The following SEMA6D variants were observed in gnomAD, a reference collection of about 807,000 sequenced individuals.
The protein encoded by SEMA6D is semaphorin 6D, also known as semaphorin-6D.
SEMA6D carries 35 observed loss-of-function variants against 106.6 expected under a neutral mutation model. The observed-to-expected ratio is 0.33, with a 90% CI of 0.25 to 0.44. The LOEUF (loss-of-function observed/expected upper bound fraction) is 0.44. Ranked by LOEUF, SEMA6D falls within the 20% of genes least tolerant of loss-of-function variation. The pLI, the probability that SEMA6D is intolerant of heterozygous loss-of-function variation, is 1.00. For missense variants in SEMA6D, 1,185 were observed against 1,345.9 expected, an observed-to-expected ratio of 0.88 and a Z score of 1.87; for synonymous variants, 499 against 487.7, an observed-to-expected ratio of 1.02 and a Z score of -0.31.
chr15:47,669,813 G>A (rs142327170), intron 4 of SEMA6D, among the ~76,000 whole-genome samples: 2 of 152,178 alleles, frequency 1.3e-5, no homozygotes, highest in African/African-American at 2.4e-5. Flanking sequence ...ACAACAAACC[G>A]CCTTGAAGTC....
At chr15:47,241,692 A>G (rs1484956880) in intron 1 of SEMA6D, among the ~76,000 whole-genome samples, 1 of 151,614 alleles carries the variant, frequency 6.6e-6, no homozygotes, top group Non-Finnish European at 1.5e-5. Flanking sequence ...GAAGAAGAAA[A>G]CGATGGAAAA....
chr15:47,234,224 G>A (rs1480144339), intron 1 of SEMA6D, among the ~76,000 whole-genome samples: 2 of 151,972 alleles, frequency 1.3e-5, no homozygotes, highest in Admixed American at 1.3e-4. Context: ...AAGACCCAAA[G>A]CAATCACCTC....
At chr15:47,312,733 A>T (rs1163003846) in intron 1 of SEMA6D, among the ~76,000 whole-genome samples, 2 of 152,248 alleles carry the variant, frequency 1.3e-5, no homozygotes, top group East Asian at 3.8e-4. Context: ...CAATATTTTT[A>T]TATAACCCAG....
At chr15:47,296,354 C>T (rs1295992935) in intron 1 of SEMA6D, among the ~76,000 whole-genome samples, 1 of 152,158 alleles carries the variant, frequency 6.6e-6, no homozygotes. Context: ...CACCATCTTG[C>T]CCCCTTTGCA....
chr15:47,321,396 T>C (rs6493271), intron 1 of SEMA6D, among the ~76,000 whole-genome samples: 30,369 of 152,132 alleles, frequency 0.2, 3,660 homozygotes, highest in African/African-American at 0.33. Flanking sequence ...TTGGCCATCC[T>C]TTATCAATAT....
chr15:47,636,849 C>G (rs559412218), intron 4 of SEMA6D, among the ~76,000 whole-genome samples: 1 of 152,304 alleles, frequency 6.6e-6, no homozygotes, highest in African/African-American at 2.4e-5. Flanking sequence ...ATCAGTGTTT[C>G]TTTCTGTTCT....
intron 1 of SEMA6D, among the ~76,000 whole-genome samples, chr15:47,731,680 G>A (rs1040398826): frequency 1.3e-5 from 2 of 152,144 alleles, no homozygotes; most frequent in African/African-American, 2.4e-5. Flanking sequence ...ACTTTACCCA[G>A]TTCTTGCCAT....
chr15:47,196,637 C>G (rs1894379517), intron 1 of SEMA6D, among the ~76,000 whole-genome samples: 1 of 152,148 alleles, frequency 6.6e-6, no homozygotes, highest in African/African-American at 2.4e-5. Flanking sequence ...TGTTAATTGA[C>G]TGAGTATTTT....
intron 3 of SEMA6D, among the ~76,000 whole-genome samples, chr15:47,569,017 G>A (rs1390344035): frequency 6.6e-5 from 10 of 152,068 alleles, no homozygotes; most frequent in Admixed American, 2.0e-4. Flanking sequence ...GTGAAGCTTC[G>A]TGGGTGCTGT....
chr15:47,721,167 A>G lies in SEMA6D; in HGVS notation c.-55+3475A>G, dbSNP rs1394682314. ...ATAGAGCAAAAATAGAAGGAAATAA[A>G]GGATGGGAAAACAGACCTTTTGACA... On this transcript the variant is annotated intron_variant, in intron 1 of 18. Transcript: ENST00000536845. Among the ~76,000 whole-genome samples, 3 of 152,394 alleles carry G rather than the reference A, an allele frequency of 2.0e-5. No individual in the cohort carries two copies. The East Asian group carries it at 5.8e-4, about 29-fold the overall frequency.
At chr15:47,406,961 C>A (rs905361772) in intron 1 of SEMA6D, among the ~76,000 whole-genome samples, 7 of 151,728 alleles carry the variant, frequency 4.6e-5, no homozygotes, top group African/African-American at 1.7e-4. Context: ...AAAATAAAAA[C>A]AACAACAACA....
At chr15:47,561,094 TA>T (rs1368566270) in intron 3 of SEMA6D, among the ~76,000 whole-genome samples, 1 of 151,956 alleles carries the variant, frequency 6.6e-6, no homozygotes, top group Admixed American at 6.6e-5. Flanking sequence ...AATAATGGTT[TA>T]AAACTTCCCA....
intron 3 of SEMA6D, among the ~76,000 whole-genome samples, chr15:47,504,208 G>T (rs2043958628): frequency 6.6e-6 from 1 of 152,124 alleles, no homozygotes; most frequent in Admixed American, 6.5e-5. Flanking sequence ...TATCCTCTCT[G>T]CAACTGCTTA....
chr15:47,648,664 C>T (rs915304759), intron 4 of SEMA6D, among the ~76,000 whole-genome samples: 2 of 152,034 alleles, frequency 1.3e-5, no homozygotes, highest in Non-Finnish European at 2.9e-5. Context: ...CTACAGCAGC[C>T]GGCACTCACT....
intron 3 of SEMA6D, among the ~76,000 whole-genome samples, chr15:47,543,087 TGTCATCA>T (rs2045407493): frequency 6.6e-6 from 1 of 152,144 alleles, no homozygotes; most frequent in South Asian, 2.1e-4. Context: ...GACACTGGGA[TGTCATCA>T]GTTTTATATC....
At chr15:47,209,713 GT>G (rs1358237606) in intron 1 of SEMA6D, among the ~76,000 whole-genome samples, 1 of 152,130 alleles carries the variant, frequency 6.6e-6, no homozygotes, top group Non-Finnish European at 1.5e-5. Flanking sequence ...GCCTCTCCAG[GT>G]CTGCTGTGTT....
At chr15:47,336,879 G>T (rs1475763632) in intron 1 of SEMA6D, among the ~76,000 whole-genome samples, 1 of 152,160 alleles carries the variant, frequency 6.6e-6, no homozygotes, top group Non-Finnish European at 1.5e-5. Context: ...CTGCTTGGAA[G>T]GCTGCTACTT....
At chr15:47,450,799 T>C (rs2042167498) in intron 2 of SEMA6D, among the ~76,000 whole-genome samples, 1 of 152,060 alleles carries the variant, frequency 6.6e-6, no homozygotes. Context: ...TAGAGAGGTC[T>C]GTGACTTTCT....
intron 1 of SEMA6D, among the ~76,000 whole-genome samples, chr15:47,401,413 A>C (rs1225111901): frequency 6.6e-6 from 1 of 152,164 alleles, no homozygotes; most frequent in Non-Finnish European, 1.5e-5. Flanking sequence ...GATGAGAAAA[A>C]ATGGGATTTA....
Sources: allele counts gnomAD v4.1 joint callset (sites outside exome capture counted in the v4.1 genomes callset), GRCh38; gene constraint gnomAD v4.1.1; transcripts MANE v1.5; gene names NCBI Gene and HGNC (gene_info 2026-07-23, HGNC 2026-07-21).